DYRK1A: variants seen among roughly 807,000 people sequenced by gnomAD.
DYRK1A encodes the protein dual specificity tyrosine phosphorylation regulated kinase 1A, also known as dual specificity tyrosine-phosphorylation-regulated kinase 1A.
In DYRK1A, 9 loss-of-function variants were observed where a neutral mutation model predicts 79.7. The observed-to-expected ratio is 0.11, with a 90% CI of 0.07 to 0.20. The LOEUF is 0.20. Among genes scored for constraint, DYRK1A ranks in the 10% least tolerant of loss-of-function variants. The pLI, the probability that DYRK1A is intolerant of heterozygous loss-of-function variation, is 1.00. For synonymous variants in DYRK1A, 349 were observed against 329.7 expected (o/e 1.06, Z -0.63); for missense variants, 622 against 956.0 (o/e 0.65, Z 4.61).
At chr21:37,400,066 G>T (rs1279824422) in intron 1 of DYRK1A, among the ~76,000 whole-genome samples, 1 of 152,288 alleles carries the variant, frequency 6.6e-6, no homozygotes, top group East Asian at 1.9e-4. Context: ...CAGGGCCAGG[G>T]CTGTGCTTTA....
chr21:37,441,486 A>G (rs1429868626), intron 2 of DYRK1A, among the ~76,000 whole-genome samples: 1 of 151,520 alleles, frequency 6.6e-6, no homozygotes, highest in Non-Finnish European at 1.5e-5. Flanking sequence ...ACCGTCTTTT[A>G]TTCTGCTTTT....
intron 2 of DYRK1A, among the ~76,000 whole-genome samples, chr21:37,434,509 C>A (rs1330442243): frequency 6.6e-6 from 1 of 152,142 alleles, no homozygotes; most frequent in Non-Finnish European, 1.5e-5. Context: ...ATCTTTGTAG[C>A]TGTTAGTATG....
At chr21:37,445,764 A>G (rs1173893692) in intron 2 of DYRK1A, among the ~76,000 whole-genome samples, 6 of 152,154 alleles carry the variant, frequency 3.9e-5, no homozygotes, top group Non-Finnish European at 7.3e-5. Flanking sequence ...AGCACCCTCT[A>G]TATAAAAGAG....
intron 1 of DYRK1A, among the ~76,000 whole-genome samples, chr21:37,416,626 G>A (rs2050347772): frequency 6.6e-6 from 1 of 151,994 alleles, no homozygotes; most frequent in Admixed American, 6.6e-5. Flanking sequence ...GTGTAAATGA[G>A]CCAAAGTTTA....
intron 2 of DYRK1A, among the ~76,000 whole-genome samples, chr21:37,434,554 A>T (rs2050869375): frequency 6.6e-6 from 1 of 152,206 alleles, no homozygotes; most frequent in African/African-American, 2.4e-5. Context: ...TGTTTTATTC[A>T]TTATTAGACA....
chr21:37,490,075 T>G, intron 6 of DYRK1A, 100 bp from the exon 7 acceptor site: 2 of 1,188,216 alleles, frequency 1.7e-6, no homozygotes, highest in Non-Finnish European at 2.3e-6. Context: ...GAACTCTGCA[T>G]TTGATGTAAT....
At chr21:37,455,080 A>T (rs1377174691) in intron 2 of DYRK1A, among the ~76,000 whole-genome samples, 1 of 147,192 alleles carries the variant, frequency 6.8e-6, no homozygotes, top group Non-Finnish European at 1.5e-5. Context: ...ACATTCTGGC[A>T]AAAAACAGGC....
At chr21:37,406,961 T>C (rs1394649292) in intron 1 of DYRK1A, among the ~76,000 whole-genome samples, 1 of 150,352 alleles carries the variant, frequency 6.7e-6, no homozygotes, top group Non-Finnish European at 1.5e-5. Context: ...TTTAAAGTCA[T>C]CTTTTACAAC....
intron 2 of DYRK1A, among the ~76,000 whole-genome samples, chr21:37,429,987 C>G (rs945571175): frequency 2.0e-5 from 3 of 152,164 alleles, no homozygotes; most frequent in Non-Finnish European, 4.4e-5. Context: ...CCAGATAGCT[C>G]TCAGTGCTAC....
At chr21:37,419,643 T>C (rs947475694) in intron 1 of DYRK1A, 2 of 152,238 alleles carry the variant, frequency 1.3e-5, no homozygotes, top group African/African-American at 4.8e-5. Context: ...CTTCTGCTGA[T>C]TATCAGTTGA....
chr21:37,458,360 A>G (rs959762514), intron 2 of DYRK1A, among the ~76,000 whole-genome samples: 1 of 151,076 alleles, frequency 6.6e-6, no homozygotes, highest in Non-Finnish European at 1.5e-5. Flanking sequence ...GTATTTCACT[A>G]TCTTTTTGAT....
chr21:37,525,032 G>A lies in DYRK1A; in HGVS notation c.*12501G>A, dbSNP rs1010937727. ...GAGAATCGCTTGAACCCAGGAGGTG[G>A]AGGTTGCAGTGAGCTGAGATTGCAC... On this transcript the variant is annotated 3_prime_UTR_variant, in exon 12 of 12. Coordinates refer to ENST00000647188, the MANE Select transcript of DYRK1A (RefSeq NM_001347721.2). The A allele has an allele frequency of 3.3e-5, 5 of 152,338 alleles. No individual in the cohort carries two copies. Among genetic ancestry groups the A allele is most frequent in the Non-Finnish European group, 4.4e-5 (3 of 68,120 alleles). The allele number at this position is 152,338 out of a possible 1,614,324, so 9.4% of individuals were successfully genotyped here. A position where few individuals can be genotyped will look rare whatever the true frequency, so the allele number is the denominator to read the frequency against.
chr21:37,491,109 C>T (rs2053078182), intron 7 of DYRK1A, among the ~76,000 whole-genome samples: 1 of 152,124 alleles, frequency 6.6e-6, no homozygotes, highest in Non-Finnish European at 1.5e-5. Context: ...ATTTTCCCCA[C>T]TCTTATTTAA....
At chr21:37,416,385 C>T (rs908941604) in intron 1 of DYRK1A, among the ~76,000 whole-genome samples, 1 of 105,108 alleles carries the variant, frequency 9.5e-6, no homozygotes, top group East Asian at 3.1e-4. Flanking sequence ...GATAAATGTT[C>T]TGGGTTTTTA....
intron 8 of DYRK1A, among the ~76,000 whole-genome samples, chr21:37,494,623 T>G (rs975809682): frequency 6.6e-6 from 1 of 152,120 alleles, no homozygotes; most frequent in Non-Finnish European, 1.5e-5. Context: ...CCCATAGTTC[T>G]TAGCCAGCAT....
chr21:37,493,442 G>A (rs2053162757), intron 8 of DYRK1A, among the ~76,000 whole-genome samples: 1 of 152,188 alleles, frequency 6.6e-6, no homozygotes, highest in East Asian at 1.9e-4. Context: ...ATACAATACA[G>A]AAAGCTTAAA....
chr21:37,482,271 A>G (rs980571889), intron 5 of DYRK1A, among the ~76,000 whole-genome samples: 1 of 152,154 alleles, frequency 6.6e-6, no homozygotes, highest in Non-Finnish European at 1.5e-5. Context: ...TTCACCCCCA[A>G]TATTTCATGT....
At chr21:37,390,812 C>G (rs1056373772) in intron 1 of DYRK1A, among the ~76,000 whole-genome samples, 1 of 152,158 alleles carries the variant, frequency 6.6e-6, no homozygotes, top group Non-Finnish European at 1.5e-5. Flanking sequence ...TCAGGCAGTC[C>G]GCCTGCCTCA....
intron 1 of DYRK1A, among the ~76,000 whole-genome samples, chr21:37,374,560 T>G (rs780563248): frequency 2.0e-5 from 3 of 151,396 alleles, no homozygotes; most frequent in Non-Finnish European, 2.9e-5. Flanking sequence ...GAATCTGCTT[T>G]CTTTTTTTTT....
Sources: gnomAD v4.1 joint callset for allele counts (sites outside exome capture counted in the v4.1 genomes callset) on GRCh38, gnomAD v4.1.1 for gene constraint, MANE v1.5 for transcripts, NCBI Gene and HGNC (gene_info 2026-07-23, HGNC 2026-07-21) for gene names.